ITPR1: variants seen among roughly 807,000 people sequenced by gnomAD.
ITPR1 encodes the protein inositol 1,4,5-trisphosphate-gated calcium channel ITPR1.
Under a neutral mutation model 318.4 loss-of-function variants are expected in ITPR1, and 96 were observed. The observed-to-expected ratio is 0.30, with a 90% CI of 0.26 to 0.36. The LOEUF (loss-of-function observed/expected upper bound fraction) is 0.36. Ranked by LOEUF, ITPR1 falls within the 10% of genes least tolerant of loss-of-function variation. The probability of loss-of-function intolerance (pLI) is 1.00; values close to 1 mark genes in which losing one functional copy is unlikely to be tolerated. For synonymous variants in ITPR1, 1,312 were observed against 1,289.9 expected, an observed-to-expected ratio of 1.02 and a Z score of -0.37; for missense variants, 2,440 against 3,460.2, an observed-to-expected ratio of 0.71 and a Z score of 7.40.
intron 21 of ITPR1, among the ~76,000 whole-genome samples, chr3:4,673,841 C>T (rs2094135575): frequency 6.6e-6 from 1 of 152,178 alleles, no homozygotes. Flanking sequence ...CTCGGCCTCC[C>T]AAAGTGCTGG....
chr3:4,687,193 C>T (rs561019794), intron 30 of ITPR1, among the ~76,000 whole-genome samples: 1 of 152,324 alleles, frequency 6.6e-6, no homozygotes, highest in African/African-American at 2.4e-5. Context: ...TAAGTACCTA[C>T]ATAATGTCCT....
rs554921834 is a variant in ITPR1 at position 4,694,848 on chromosome 3, C to T, written c.4281+1107C>T. Among the ~76,000 whole-genome samples, 3 of 152,188 alleles carry T rather than the reference C, an allele frequency of 2.0e-5. No homozygotes were observed. The South Asian group carries it at 6.2e-4, about 32-fold the overall frequency. On this transcript the variant is annotated intron_variant, in intron 33 of 61. Transcript: ENST00000649015. ...ATATCAAAGACTGTAACGGGGTAAA[C>T]CATGAAAAGTCTTATAATCTGTTTT...
intron 51 of ITPR1, among the ~76,000 whole-genome samples, 169 bp from the exon 52 acceptor site, chr3:4,787,778 C>T (rs767601283): frequency 6.6e-6 from 1 of 151,846 alleles, no homozygotes; most frequent in South Asian, 2.1e-4. Context: ...TCCAGAGTTA[C>T]CCAAGCTATT....
chr3:4,566,739 A>G (rs1319502854), intron 4 of ITPR1, among the ~76,000 whole-genome samples: 1 of 152,116 alleles, frequency 6.6e-6, no homozygotes, highest in Admixed American at 6.5e-5. Context: ...TTGTTCCCAT[A>G]CAACTCTGGC....
intron 23 of ITPR1, 123 bp downstream of exon 23, chr3:4,675,371 C>T (rs567403423): frequency 8.8e-6 from 6 of 680,684 alleles, no homozygotes; most frequent in Non-Finnish European, 9.4e-6. Flanking sequence ...AACTTTTCAT[C>T]GTGAACATTT....
Position 4,640,171 on chromosome 3 carries a change from G to A in ITPR1, c.366+701G>A, listed in dbSNP as rs545691473. On this transcript the variant is annotated intron_variant, in intron 6 of 61. Transcript: ENST00000649015. Reference sequence around the variant, plus strand: ...ACTATTGAGCACCTAGACCCATTTGGTGATCTTCCTTCATTATTTTCCTTT... The same window carrying A: ...ACTATTGAGCACCTAGACCCATTTGATGATCTTCCTTCATTATTTTCCTTT... Among the ~76,000 whole-genome samples, 21 of 152,286 alleles carry A rather than the reference G, an allele frequency of 1.4e-4. 1 individual carries two copies. The South Asian group carries it at 3.9e-3, about 29-fold the overall frequency.
intron 55 of ITPR1, among the ~76,000 whole-genome samples, chr3:4,806,497 C>G (rs184305975): frequency 2.6e-4 from 39 of 152,294 alleles, no homozygotes; most frequent in Non-Finnish European, 7.4e-5. Flanking sequence ...CTGGGCACTC[C>G]CGATCTGTTA....
chr3:4,535,636 G>A (rs961723949), intron 4 of ITPR1, among the ~76,000 whole-genome samples: 8 of 151,396 alleles, frequency 5.3e-5, no homozygotes, highest in African/African-American at 1.5e-4. Context: ...TAGTAGAGAC[G>A]GGGTTTCACT....
intron 51 of ITPR1, 32 bp downstream of exon 51, chr3:4,783,952 T>G: frequency 4.0e-4 from 582 of 1,467,082 alleles, no homozygotes; most frequent in Non-Finnish European, 5.0e-4. Flanking sequence ...GGCATGGGGT[T>G]GTGTTGAGGC....
chr3:4,732,950 T>C, intron 42 of ITPR1, 138 bp from the exon 43 acceptor site: 2 of 849,346 alleles, frequency 2.4e-6, no homozygotes, highest in Non-Finnish European at 3.8e-6. Flanking sequence ...AGTTTCTAAA[T>C]GCTTCCATGA....
At chr3:4,676,342 C>T (rs754420739) in intron 23 of ITPR1, among the ~76,000 whole-genome samples, 1 of 151,912 alleles carries the variant, frequency 6.6e-6, no homozygotes, top group Non-Finnish European at 1.5e-5. Context: ...AAGATCCTGT[C>T]TCTAAAGAAA....
intron 4 of ITPR1, among the ~76,000 whole-genome samples, chr3:4,600,171 T>A (rs1480244615): frequency 6.6e-6 from 1 of 152,226 alleles, no homozygotes; most frequent in African/African-American, 2.4e-5. Context: ...CTTTTTGTCT[T>A]TTTTAAAAAT....
chr3:4,553,637 G>A (rs2085808996), intron 4 of ITPR1, among the ~76,000 whole-genome samples: 1 of 131,388 alleles, frequency 7.6e-6, no homozygotes, highest in African/African-American at 2.8e-5. Context: ...TCTCCTTCTT[G>A]TCGCCCAGGC....
intron 53 of ITPR1, among the ~76,000 whole-genome samples, chr3:4,799,127 A>G (rs2048066850): frequency 6.6e-6 from 1 of 152,240 alleles, no homozygotes; most frequent in South Asian, 2.1e-4. Flanking sequence ...TCAGAGGCAA[A>G]TGGTCTGCAG....
At chr3:4,664,427 A>G (rs1270728266) in intron 16 of ITPR1, among the ~76,000 whole-genome samples, 8 of 152,268 alleles carry the variant, frequency 5.3e-5, no homozygotes, top group African/African-American at 1.9e-4. Context: ...CAAAGCTAAA[A>G]GAGAAACATA....
chr3:4,649,256 C>T (rs969616504), intron 10 of ITPR1, among the ~76,000 whole-genome samples: 1 of 152,182 alleles, frequency 6.6e-6, no homozygotes, highest in African/African-American at 2.4e-5. Context: ...GATATTTTTG[C>T]ATAGTTGATA....
chr3:4,810,079 G>C (rs888748891), intron 55 of ITPR1, among the ~76,000 whole-genome samples: 1 of 152,186 alleles, frequency 6.6e-6, no homozygotes, highest in Non-Finnish European at 1.5e-5. Context: ...GAGATCAGCT[G>C]TCTCAGTCCA....
rs2082789083 is a variant in ITPR1, at chr3:4,524,240, G to A, written c.163+3146G>A. Among the ~76,000 whole-genome samples, 4 of 151,558 alleles carry A rather than the reference G, an allele frequency of 2.6e-5. No homozygotes were observed. The South Asian group carries it at 8.4e-4, about 32-fold the overall frequency. ...TCTGCTTCTCCACCGTGGAACTTGGGCAGTGAGTTTTAAAAAATTTTCCAA... is the reference window on the plus strand; with the variant it reads ...TCTGCTTCTCCACCGTGGAACTTGGACAGTGAGTTTTAAAAAATTTTCCAA... On this transcript the variant is annotated intron_variant, in intron 4 of 61. Coordinates refer to ENST00000649015, the MANE Select transcript of ITPR1 (RefSeq NM_001378452.1).
At chr3:4,510,053 A>G (rs1361063263) in intron 2 of ITPR1, among the ~76,000 whole-genome samples, 1 of 152,242 alleles carries the variant, frequency 6.6e-6, no homozygotes, top group Non-Finnish European at 1.5e-5. Flanking sequence ...TTGGAAACGT[A>G]TAACCCAGAT....
Sources: gnomAD v4.1 joint callset for allele counts (sites outside exome capture counted in the v4.1 genomes callset) on GRCh38, gnomAD v4.1.1 for gene constraint, MANE v1.5 for transcripts, NCBI Gene and HGNC (gene_info 2026-07-23, HGNC 2026-07-21) for gene names.